SLC25A37: variants seen among roughly 807,000 people sequenced by gnomAD.
The protein encoded by SLC25A37 is solute carrier family 25 member 37.
A neutral mutation model predicts 31.0 loss-of-function variants in SLC25A37; 17 were observed. That is an observed-to-expected ratio of 0.55 (90% CI 0.38 to 0.82). The LOEUF is 0.82. Ranked by LOEUF, SLC25A37 falls within the 40% of genes least tolerant of loss-of-function variation. The probability of loss-of-function intolerance (pLI) is 0.00; values close to 1 mark genes in which losing one functional copy is unlikely to be tolerated. For missense variants in SLC25A37, 404 were observed against 465.8 expected (o/e 0.87, Z 1.22); for synonymous variants, 222 against 193.0 (o/e 1.15, Z -1.24).
chr8:23,550,377 C>T (rs1409224017), intron 1 of SLC25A37, among the ~76,000 whole-genome samples: 1 of 152,130 alleles, frequency 6.6e-6, no homozygotes, highest in East Asian at 1.9e-4. Flanking sequence ...ATGGGAGTCA[C>T]ATGCAGACGC....
At chr8:23,564,823 A>ATCTGTCTG (rs560663383) in intron 1 of SLC25A37, among the ~76,000 whole-genome samples, 11 of 151,560 alleles carry the variant, frequency 7.3e-5, no homozygotes, top group Non-Finnish European at 1.5e-5. Context: ...CTCTATCTAT[A>ATCTGTCTG]TCTGTCTGTC....
At chr8:23,540,871 A>G (rs373963318) in intron 1 of SLC25A37, among the ~76,000 whole-genome samples, 2 of 152,174 alleles carry the variant, frequency 1.3e-5, no homozygotes, top group African/African-American at 4.8e-5. Flanking sequence ...GCAGGCTTGC[A>G]GGGAACACCG....
intron 1 of SLC25A37, among the ~76,000 whole-genome samples, chr8:23,561,869 C>T (rs570808711): frequency 6.6e-6 from 1 of 152,348 alleles, no homozygotes; most frequent in East Asian, 1.9e-4. Flanking sequence ...GATCTTCAGC[C>T]CCTGCTCTGA....
chr8:23,533,259 C>T lies in SLC25A37; in HGVS notation c.210+4047C>T, dbSNP rs778954705. On this transcript the variant is annotated intron_variant, in intron 1 of 3. Transcript: ENST00000519973. ...TAAATTGGGGAGGGGCAGGCTGGAG[C>T]GTGGTTTGGAGGCGCGTGCCCAAGA... is the stretch of plus-strand genomic sequence containing the variant. 2.0e-5 allele frequency among the ~76,000 whole-genome samples: 3 copies of T among 152,088 alleles called. No individual in the cohort carries two copies. The East Asian group carries it at 5.8e-4, about 29-fold the overall frequency.
chr8:23,561,884 C>G (rs1170201525), intron 1 of SLC25A37, among the ~76,000 whole-genome samples: 4 of 152,232 alleles, frequency 2.6e-5, no homozygotes, highest in African/African-American at 9.7e-5. Flanking sequence ...CTCTGATCCT[C>G]CCTTTCATTT....
At chr8:23,565,489 TAAAAAAA>T (rs34506562) in intron 1 of SLC25A37, among the ~76,000 whole-genome samples, 1 of 147,502 alleles carries the variant, frequency 6.8e-6, no homozygotes. Flanking sequence ...TGCTTTTACT[TAAAAAAA>T]AAAAAAGAAA....
chr8:23,537,947 G>A (rs1300879359), intron 1 of SLC25A37, among the ~76,000 whole-genome samples: 1 of 152,066 alleles, frequency 6.6e-6, no homozygotes, highest in Non-Finnish European at 1.5e-5. Flanking sequence ...CAGGCACACA[G>A]ACTGAAACTC....
rs998115522 is a variant in SLC25A37 at position 23,553,186 on chromosome 8, C to T, written c.211-12922C>T. ...CTGTAATCCCAGCACTTTGGGAGGC[C>T]GAGGTGGGTGGATCACCTGAGGTCA... On this transcript the variant is annotated intron_variant, in intron 1 of 3. Coordinates refer to ENST00000519973, the MANE Select transcript of SLC25A37 (RefSeq NM_016612.4). Among the ~76,000 whole-genome samples the T allele has an allele frequency of 3.9e-5, 6 of 152,050 alleles. No individual in the cohort carries two copies. The East Asian group carries it at 5.8e-4, about 15-fold the overall frequency.
In SLC25A37 at chr8:23,534,981, G is replaced by T. The variant is rs192535987; in HGVS notation, c.210+5769G>T. 3.9e-5 allele frequency among the ~76,000 whole-genome samples: 6 copies of T among 151,938 alleles called. No individual in the cohort carries two copies. The East Asian group carries it at 9.7e-4, about 24-fold the overall frequency. On this transcript the variant is annotated intron_variant, in intron 1 of 3. Coordinates refer to ENST00000519973, the MANE Select transcript of SLC25A37 (RefSeq NM_016612.4). ...GGATGGCCCCTCTTCGTCCCCACCC[G>T]ACTCAAGTCCAAATCACTCCATTCC...
intron 1 of SLC25A37, chr8:23,541,674 CTCACGGCACG>C (rs1313534435): frequency 2.0e-5 from 3 of 152,440 alleles, no homozygotes; most frequent in African/African-American, 7.2e-5. Flanking sequence ...GTGCCTCTGA[CTCACGGCACG>C]TCCTTGATAC....
intron 1 of SLC25A37, among the ~76,000 whole-genome samples, chr8:23,565,070 G>A (rs747027752): frequency 6.6e-6 from 1 of 152,196 alleles, no homozygotes; most frequent in East Asian, 1.9e-4. Flanking sequence ...GAGTCTGAAG[G>A]CAGTCTGGAG....
intron 1 of SLC25A37, among the ~76,000 whole-genome samples, chr8:23,537,065 A>G (rs560729657): frequency 3.6e-4 from 54 of 151,954 alleles, no homozygotes; most frequent in Non-Finnish European, 6.5e-4. Context: ...GTATAGTGGT[A>G]TGCGCCAGTG....
chr8:23,533,978 C>T (rs1025379026), intron 1 of SLC25A37, among the ~76,000 whole-genome samples: 10 of 151,882 alleles, frequency 6.6e-5, no homozygotes, highest in African/African-American at 2.2e-4. Flanking sequence ...GACAGGGTCT[C>T]GGTCTGTCAC....
rs1801612614 is a variant in SLC25A37 at position 23,529,279 on chromosome 8, C to A, written c.210+67C>A. 3.4e-6 allele frequency: 5 copies of A among 1,465,296 alleles called. No homozygotes were observed. The East Asian group carries it at 7.9e-5, about 23-fold the overall frequency. The allele number at this position is 1,465,296 out of a possible 1,614,324, so 90.8% of individuals were successfully genotyped here. The stretch of plus-strand genomic sequence containing the variant: ...GGAGCGCGCGCGCGCATTTGCATCC[C>A]GCGCGCCGGCAGCCTCGGGGCAGCG... On this transcript the variant is annotated intron_variant, in intron 1 of 3. Coordinates refer to ENST00000519973, the MANE Select transcript of SLC25A37 (RefSeq NM_016612.4). The surrounding 1 kb of genome is among the most constrained non-coding windows in gnomAD (Gnocchi z 4.1).
chr8:23,547,966 C>T (rs1802112830), intron 1 of SLC25A37, among the ~76,000 whole-genome samples: 1 of 152,154 alleles, frequency 6.6e-6, no homozygotes, highest in South Asian at 2.1e-4. Context: ...GCTGAGTCAT[C>T]CAGGGGTCAG....
intron 3 of SLC25A37, chr8:23,568,729 G>A (rs1481232332): frequency 1.0e-5 from 3 of 288,788 alleles, no homozygotes; most frequent in East Asian, 8.1e-5. Context: ...GATCACTTGA[G>A]GTCAGGAGTT....
At chr8:23,565,319 CA>C (rs1358567728) in intron 1 of SLC25A37, among the ~76,000 whole-genome samples, 6 of 152,142 alleles carry the variant, frequency 3.9e-5, no homozygotes, top group Non-Finnish European at 7.3e-5. Flanking sequence ...CACACCTGTG[CA>C]AGCGCTTTTC....
rs1188268179 is a variant in SLC25A37, at chr8:23,529,086, G to A, written c.84G>A (p.Lys28=). ...ACAGCCGAGATGGCGGCGGCGGCAA[G>A]GACGCCACCGGGTCGGAGGACTACG... The part of the protein sequence containing the change: ...DGDSRDGGGG[K]DATGSEDYEN... Residue 28 remains lysine (K), a synonymous_variant, in exon 1 of 4, where the codon AAG becomes AAA. Transcript: ENST00000519973. This position sits in a 1 kb window ranked among gnomAD's most constrained non-coding sequence, Gnocchi z 4.1. 2.5e-6 allele frequency: 4 copies of A among 1,602,934 alleles called. No individual in the cohort carries two copies. The highest frequency in any genetic ancestry group is 2.7e-5 in the African/African-American group (2 of 74,438).
chr8:23,533,761 C>G (rs1016268744), intron 1 of SLC25A37, among the ~76,000 whole-genome samples: 2 of 152,110 alleles, frequency 1.3e-5, no homozygotes, highest in African/African-American at 2.4e-5. Flanking sequence ...GTTTTTAATC[C>G]GAAATACCGG....
Sources: allele counts gnomAD v4.1 joint callset (sites outside exome capture counted in the v4.1 genomes callset), GRCh38; gene constraint gnomAD v4.1.1; non-coding constraint Gnocchi (gnomAD v3.1); transcripts MANE v1.5; gene names NCBI Gene and HGNC (gene_info 2026-07-23, HGNC 2026-07-21).